POFUT3: variants seen among roughly 807,000 people sequenced by gnomAD.
The protein encoded by POFUT3 is GDP-fucose protein O-fucosyltransferase 3.
At chr8:33,447,959 T>C in the POFUT3 span, among the ~76,000 whole-genome samples, 5 of 152,214 alleles carry the variant, frequency 3.3e-5, no homozygotes, top group South Asian at 1.0e-3. Flanking sequence ...AAATTGAATT[T>C]CTAATTCTGT....
chr8:33,398,038 G>T, the POFUT3 span, among the ~76,000 whole-genome samples: 1 of 152,198 alleles, frequency 6.6e-6, no homozygotes, highest in South Asian at 2.1e-4. Context: ...GAATGTAAAT[G>T]TTAAACCATT....
chr8:33,364,118 A>G, the POFUT3 span, among the ~76,000 whole-genome samples: 1 of 152,224 alleles, frequency 6.6e-6, no homozygotes, highest in Non-Finnish European at 1.5e-5. Flanking sequence ...GGTTCAACAT[A>G]CACAAATCAA....
the POFUT3 span, among the ~76,000 whole-genome samples, chr8:33,317,686 G>A: frequency 6.6e-6 from 1 of 152,038 alleles, no homozygotes; most frequent in Admixed American, 6.6e-5. Flanking sequence ...TGGTTGCCCT[G>A]TAAATAAACA....
At chr8:33,359,266 A>T in the POFUT3 span, among the ~76,000 whole-genome samples, 42 of 152,340 alleles carry the variant, frequency 2.8e-4, no homozygotes, top group Middle Eastern at 0.014. Flanking sequence ...ACTTCTTCAA[A>T]AAAAGATGTT....
At chr8:33,355,004 C>G in the POFUT3 span, among the ~76,000 whole-genome samples, 3 of 152,180 alleles carry the variant, frequency 2.0e-5, no homozygotes, top group Non-Finnish European at 4.4e-5. Flanking sequence ...ATCTTTACTT[C>G]ACAGTCCTTT....
At chr8:33,470,383 G>A in the POFUT3 span, among the ~76,000 whole-genome samples, 1 of 152,080 alleles carries the variant, frequency 6.6e-6, no homozygotes, top group East Asian at 1.9e-4. Flanking sequence ...TCGTGCCACT[G>A]CACTCCAGCC....
At chr8:33,388,193 G>A in the POFUT3 span, among the ~76,000 whole-genome samples, 2 of 152,142 alleles carry the variant, frequency 1.3e-5, no homozygotes, top group Admixed American at 1.3e-4. Flanking sequence ...TATTAGAGCA[G>A]CAAGCAAAAT....
chr8:33,400,030 A>G, the POFUT3 span, among the ~76,000 whole-genome samples: 1 of 152,156 alleles, frequency 6.6e-6, no homozygotes, highest in East Asian at 1.9e-4. Flanking sequence ...AAATAAAAGT[A>G]AAGTGAACAA....
the POFUT3 span, among the ~76,000 whole-genome samples, chr8:33,398,540 T>G: frequency 6.6e-6 from 1 of 152,194 alleles, no homozygotes; most frequent in African/African-American, 2.4e-5. Flanking sequence ...TTATTCTATT[T>G]CTGCTTTTTG....
chr8:33,444,948 T>TTTG, the POFUT3 span, among the ~76,000 whole-genome samples: 35 of 150,146 alleles, frequency 2.3e-4, no homozygotes, highest in African/African-American at 8.3e-4. Flanking sequence ...TTTTTTTTTT[T>TTTG]TTTGAGATAG....
the POFUT3 span, among the ~76,000 whole-genome samples, chr8:33,411,381 G>A: frequency 6.6e-6 from 1 of 152,208 alleles, no homozygotes; most frequent in Non-Finnish European, 1.5e-5. Context: ...TGAAAAGGAT[G>A]TGCTGGTTTC....
At chr8:33,317,835 T>C in the POFUT3 span, among the ~76,000 whole-genome samples, 2 of 152,124 alleles carry the variant, frequency 1.3e-5, no homozygotes, top group African/African-American at 4.8e-5. Context: ...CTTGACTTCC[T>C]TACCAGAGTC....
the POFUT3 span, among the ~76,000 whole-genome samples, chr8:33,412,546 G>C: frequency 4.6e-5 from 7 of 152,170 alleles, no homozygotes; most frequent in African/African-American, 1.7e-4. Context: ...AGCCTGTCCA[G>C]CTAACTACTA....
At chr8:33,341,434 CAAAAAAAAA>C in the POFUT3 span, among the ~76,000 whole-genome samples, 1 of 52,392 alleles carries the variant, frequency 1.9e-5, no homozygotes, top group African/African-American at 7.2e-5. Flanking sequence ...GACTCCATCT[CAAAAAAAAA>C]AAAAAAAAGA....
the POFUT3 span, among the ~76,000 whole-genome samples, chr8:33,339,239 T>G: frequency 6.6e-6 from 1 of 152,020 alleles, no homozygotes; most frequent in Non-Finnish European, 1.5e-5. Context: ...ATAGAAGATA[T>G]AAAGGAGAAT....
the POFUT3 span, among the ~76,000 whole-genome samples, chr8:33,399,851 A>C: frequency 1.3e-5 from 2 of 151,668 alleles, no homozygotes; most frequent in African/African-American, 4.8e-5. Flanking sequence ...ACGGGGTTTC[A>C]CCATGTTCGT....
the POFUT3 span, among the ~76,000 whole-genome samples, chr8:33,310,737 C>T: frequency 6.6e-6 from 1 of 151,598 alleles, no homozygotes; most frequent in Non-Finnish European, 1.5e-5. Context: ...AGAACATTGT[C>T]GAGCAGAGCT....
At chr8:33,354,807 T>C in the POFUT3 span, among the ~76,000 whole-genome samples, 2 of 152,194 alleles carry the variant, frequency 1.3e-5, no homozygotes, top group East Asian at 3.9e-4. Flanking sequence ...GGCGTCTTTG[T>C]TTCTTAGATC....
At chr8:33,325,734 A>G in the POFUT3 span, among the ~76,000 whole-genome samples, 1 of 152,072 alleles carries the variant, frequency 6.6e-6, no homozygotes, top group African/African-American at 2.4e-5. Flanking sequence ...GTATTGGGAG[A>G]AGGGATAGTG....
Sources: allele counts gnomAD v4.1 joint callset (sites outside exome capture counted in the v4.1 genomes callset), GRCh38; gene constraint gnomAD v4.1.1; transcripts MANE v1.5; gene names NCBI Gene and HGNC (gene_info 2026-07-23, HGNC 2026-07-21).